NPC1: variants seen among roughly 807,000 people sequenced by gnomAD.
NPC1 encodes NPC intracellular cholesterol transporter 1, also known as Niemann-Pick C1 protein.
Under a neutral mutation model 140.4 loss-of-function variants are expected in NPC1, and 85 were observed. The observed-to-expected ratio is 0.61, with a 90% CI of 0.51 to 0.72. The LOEUF (loss-of-function observed/expected upper bound fraction) is 0.72. NPC1 is among the 30% of genes least tolerant of loss of function. NPC1 has a pLI of 0.00. For missense variants in NPC1, 1,504 were observed against 1,623.8 expected (o/e 0.93, Z 1.27); for synonymous variants, 656 against 624.8 (o/e 1.05, Z -0.74).
chr18:23,530,491 T>A (rs1467386764), downstream of NPC1: 3 of 1,614,142 alleles, frequency 1.9e-6, no homozygotes, highest in Non-Finnish European at 2.5e-6. Context: ...ATGACAACAT[T>A]TCTGCACGAA....
intron 1 of NPC1, among the ~76,000 whole-genome samples, 169 bp downstream of exon 1, chr18:23,586,118 G>C (rs996312135): frequency 2.0e-5 from 3 of 152,234 alleles, no homozygotes; most frequent in Non-Finnish European, 1.5e-5. Context: ...ACAGGAAAGA[G>C]AGCGTGGCCG....
At chr18:23,530,504 T>C, downstream of NPC1, 1 of 1,614,246 alleles carries the variant, frequency 6.2e-7, no homozygotes, top group Non-Finnish European at 8.5e-7. Flanking sequence ...TGCACGAAAA[T>C]TTTTAGATGC....
In NPC1 at chr18:23,557,208, A is replaced by C; in HGVS notation, c.882-18T>G. 6.3e-7 allele frequency: 1 copy of C among 1,592,520 alleles called. No homozygotes were observed. Among genetic ancestry groups the C allele is most frequent in the South Asian group, 1.1e-5 (1 of 90,694 alleles). On this transcript the variant is annotated intron_variant, in intron 6 of 24. Transcript: ENST00000269228. ...ACCGTTTTCTGAAAAACAGAAGTGA[A>C]GAAATAGCATTAGTGGACTTCATCA...
chr18:23,516,543 C>T lies in NPC1; in HGVS notation c.432-9901G>A, dbSNP rs142645417. ...CCCCTAGAACACATAAGGAGGACTC[C>T]CCTTGTTCTGGGTATTCAGTGTATA... is the stretch of plus-strand genomic sequence containing the variant. On this transcript the variant is annotated intron_variant, in intron 3 of 3. Coordinates refer to the NPC1 transcript ENST00000591107. 2,698 of 984,020 alleles carry T rather than the reference C, an allele frequency of 2.7e-3. 49 individuals are homozygous for T. In the African/African-American group the frequency reaches 0.039, roughly 14 times the overall value. The allele number at this position is 984,020 out of a possible 1,614,324, so 61.0% of individuals were successfully genotyped here.
chr18:23,523,558 A>AG (rs2058203917), intron 1 of NPC1, among the ~76,000 whole-genome samples: 1 of 149,580 alleles, frequency 6.7e-6, no homozygotes, highest in African/African-American at 2.5e-5. Context: ...AAAAAAAAAA[A>AG]AAAAAAAAAA....
intron 18 of NPC1, 93 bp downstream of exon 18, chr18:23,539,718 T>C: frequency 7.2e-7 from 1 of 1,394,728 alleles, no homozygotes; most frequent in Non-Finnish European, 1.0e-6. Flanking sequence ...TCCAAGAAAG[T>C]CTATTTTCAG....
chr18:23,551,864 G>A (rs2145434192), intron 9 of NPC1, 137 bp from the exon 10 acceptor site: 1 of 734,816 alleles, frequency 1.4e-6, no homozygotes, highest in South Asian at 1.4e-5. Context: ...TCTCAGTTGA[G>A]TAATACAGCT....
Position 23,531,466 on chromosome 18 carries a change from TG to T in NPC1, c.*735del, listed in dbSNP as rs3835321. On this transcript the variant is annotated 3_prime_UTR_variant, in exon 25 of 25. Coordinates refer to ENST00000269228, the MANE Select transcript of NPC1 (RefSeq NM_000271.5). ...ATCTCTTCCATTTAGCTTTTGTATT[TG>T]TCTCTCAAAGCAGATAGGGTAACCC... 0.017 allele frequency: 23,880 copies of T among 1,386,380 alleles called. 1,702 individuals are homozygous for T. In the East Asian group the frequency reaches 0.27, roughly 16 times the overall value. 85.9% of individuals were successfully genotyped at this position (1,386,380 alleles called of 1,614,324 possible). A position where few individuals can be genotyped will look rare whatever the true frequency, so the allele number is the denominator to read the frequency against.
At chr18:23,556,806 A>T in intron 7 of NPC1, 193 bp from the exon 8 acceptor site, 1 of 843,050 alleles carries the variant, frequency 1.2e-6, no homozygotes, top group Non-Finnish European at 1.9e-6. Context: ...AATGAGCGCT[A>T]TTCCCACCCC....
At chr18:23,582,394 C>T (rs2059367097) in intron 1 of NPC1, among the ~76,000 whole-genome samples, 1 of 152,158 alleles carries the variant, frequency 6.6e-6, no homozygotes. Context: ...CCTGGCTGGC[C>T]GCAGCTGATC....
At chr18:23,550,740 C>A (rs1473732532) in intron 10 of NPC1, among the ~76,000 whole-genome samples, 1 of 152,104 alleles carries the variant, frequency 6.6e-6, no homozygotes, top group East Asian at 1.9e-4. Flanking sequence ...CCCGCCTCGG[C>A]CTCCGAAAGT....
At chr18:23,530,587 G>A, downstream of NPC1, 1 of 1,613,944 alleles carries the variant, frequency 6.2e-7, no homozygotes, top group Non-Finnish European at 8.5e-7. Flanking sequence ...ACCAGCGTTT[G>A]CGAGGGAGCC....
chr18:23,527,036 C>G (rs891434246), downstream of NPC1, among the ~76,000 whole-genome samples: 1 of 152,104 alleles, frequency 6.6e-6, no homozygotes, highest in South Asian at 2.1e-4. Flanking sequence ...CTGGCCTTCA[C>G]ACACACCTCT....
chr18:23,539,618 C>G (rs2058683601), intron 18 of NPC1, 148 bp from the exon 19 acceptor site: 2 of 787,984 alleles, frequency 2.5e-6, no homozygotes, highest in Non-Finnish European at 2.1e-6. Context: ...ATGAAAAAAG[C>G]CTTCAAAGTA....
chr18:23,556,018 T>A (rs938753772), intron 8 of NPC1, among the ~76,000 whole-genome samples: 2 of 152,214 alleles, frequency 1.3e-5, no homozygotes, highest in Non-Finnish European at 2.9e-5. Flanking sequence ...AGGTCTACTA[T>A]CTGAAGTAAA....
intron 13 of NPC1, 53 bp downstream of exon 13, chr18:23,544,291 C>A (rs2058752369): frequency 1.9e-6 from 3 of 1,563,296 alleles, no homozygotes; most frequent in Non-Finnish European, 2.6e-6. Flanking sequence ...GAGCCATTCA[C>A]AGTCCCTGAA....
At chr18:23,529,884 G>T, downstream of NPC1, 1 of 1,029,090 alleles carries the variant, frequency 9.7e-7, no homozygotes, top group South Asian at 1.5e-5. Flanking sequence ...GTCAAGTTGG[G>T]GTCTTTACCT....
Position 23,586,481 on chromosome 18 carries a change from GCAGGCT to G in NPC1, c.-144_-139del. 1 of 1,430,494 alleles carries G rather than the reference GCAGGCT, an allele frequency of 7.0e-7. No homozygotes were observed. Among genetic ancestry groups the G allele is most frequent in the Non-Finnish European group, 9.1e-7 (1 of 1,100,254 alleles). The allele number at this position is 1,430,494 out of a possible 1,614,324, so 88.6% of individuals were successfully genotyped here. On this transcript the variant is annotated 5_prime_UTR_variant, in exon 1 of 25. Transcript: ENST00000269228. ...GCAGGAGCAGGCGCTGACCGCGGCA[GCAGGCT>G]GCGCGCGCCGGTCAGGAAGGAAGAA...
At chr18:23,529,119 G>A, downstream of NPC1, 1 of 1,576,374 alleles carries the variant, frequency 6.3e-7, no homozygotes, top group Non-Finnish European at 8.6e-7. Context: ...TGGATGAACT[G>A]TAAACAGCAC....
Sources: gnomAD v4.1 joint callset for allele counts (sites outside exome capture counted in the v4.1 genomes callset) on GRCh38, gnomAD v4.1.1 for gene constraint, MANE v1.5 for transcripts, NCBI Gene and HGNC (gene_info 2026-07-23, HGNC 2026-07-21) for gene names.